TMEM123: variants seen among roughly 807,000 people sequenced by gnomAD.
TMEM123 encodes the protein transmembrane protein 123, also known as porimin.
In TMEM123, 16 loss-of-function variants were observed where a neutral mutation model predicts 19.7. The observed-to-expected ratio is 0.81, with a 90% confidence interval of 0.55 to 1.23. The LOEUF is 1.23. Ranked by LOEUF, TMEM123 falls within the 50% of genes most tolerant of loss-of-function variation. TMEM123 has a pLI of 0.00. For synonymous variants in TMEM123, 118 were observed against 99.4 expected (o/e 1.19, Z -1.12); for missense variants, 313 against 257.8 (o/e 1.21, Z -1.47).
intron 1 of TMEM123, chr11:102,451,332 CATG>C (rs2135869173): frequency 6.6e-6 from 1 of 151,990 alleles, no homozygotes; most frequent in African/African-American, 2.4e-5. Context: ...ACACGATGGA[CATG>C]ATTTTACCAC....
At chr11:102,400,182 GATTCCAATGGCCT>G in intron 4 of TMEM123, among the ~76,000 whole-genome samples, 1 of 152,346 alleles carries the variant, frequency 6.6e-6, no homozygotes, top group South Asian at 2.1e-4. Context: ...AAAACTGGAA[GATTCCAATGGCCT>G]ATTCCAACAT....
intron 1 of TMEM123, among the ~76,000 whole-genome samples, chr11:102,450,048 C>T (rs1442938372): frequency 1.3e-5 from 2 of 152,120 alleles, no homozygotes; most frequent in East Asian, 3.8e-4. Flanking sequence ...AAGAGGTCAT[C>T]CTTTGATTCT....
rs1283807270 is a variant in TMEM123 at position 102,452,683 on chromosome 11, A to G, written c.-60T>C. 5.3e-6 allele frequency: 7 copies of G among 1,322,382 alleles called. No homozygotes were observed. The African/African-American group carries it at 9.1e-5, about 17-fold the overall frequency. 81.9% of individuals were successfully genotyped at this position (1,322,382 alleles called of 1,614,324 possible). ...TCCCAGCCGAGGTGGCGGCGGCGAG[A>G]GCGGCTCCTCTGCGCAGCCGGCGCC... On this transcript the variant is annotated 5_prime_UTR_variant, in exon 1 of 5. Transcript: ENST00000398136.
At chr11:102,447,614 G>C (rs1007526426) in intron 2 of TMEM123, among the ~76,000 whole-genome samples, 2 of 152,122 alleles carry the variant, frequency 1.3e-5, no homozygotes, top group African/African-American at 4.8e-5. Flanking sequence ...TTCAATAAAG[G>C]ACAAAAGGAA....
chr11:102,424,329 A>C (rs1168508628), intron 2 of TMEM123, among the ~76,000 whole-genome samples: 1 of 152,228 alleles, frequency 6.6e-6, no homozygotes, highest in Non-Finnish European at 1.5e-5. Context: ...AAAGCAGTGA[A>C]TACTTTATCA....
chr11:102,420,252 A>G (rs776689886), intron 2 of TMEM123, among the ~76,000 whole-genome samples: 10 of 152,138 alleles, frequency 6.6e-5, no homozygotes, highest in Non-Finnish European at 8.8e-5. Context: ...GGAAAGCATC[A>G]TTGTTAATGT....
At position 102,397,883 on chromosome 11, in the gene TMEM123, G is replaced by GA. The variant is rs1240199753; in HGVS notation, c.*983dup. ...TCTATAGAATTCTAAATGTTCTTTT[G>GA]AAAATCATACAAGCGGTTCTTTTTC... On this transcript the variant is annotated 3_prime_UTR_variant, in exon 5 of 5. Transcript: ENST00000398136. 3 of 152,196 alleles carry GA rather than the reference G, an allele frequency of 2.0e-5. No homozygotes were observed. Among genetic ancestry groups the GA allele is most frequent in the Admixed American group, 2.0e-4 (3 of 15,290 alleles). 9.4% of individuals were successfully genotyped at this position (152,196 alleles called of 1,614,324 possible).
intron 2 of TMEM123, among the ~76,000 whole-genome samples, chr11:102,405,879 A>G (rs1419869881): frequency 6.6e-6 from 1 of 152,218 alleles, no homozygotes; most frequent in Non-Finnish European, 1.5e-5. Flanking sequence ...AAAACAGGCA[A>G]AAGGAAATTT....
chr11:102,410,042 A>G (rs1276527777), intron 2 of TMEM123, among the ~76,000 whole-genome samples: 1 of 152,254 alleles, frequency 6.6e-6, no homozygotes, highest in Non-Finnish European at 1.5e-5. Flanking sequence ...ACAATTGTAT[A>G]TGATCACAGA....
At chr11:102,425,562 G>GT (rs796386801) in intron 2 of TMEM123, among the ~76,000 whole-genome samples, 2,372 of 117,962 alleles carry the variant, frequency 0.02, 45 homozygotes, top group East Asian at 0.066. Context: ...CTCCAGGATT[G>GT]TTTTTTTTTT....
chr11:102,427,437 G>C (rs1315783857), intron 2 of TMEM123, among the ~76,000 whole-genome samples: 1 of 150,592 alleles, frequency 6.6e-6, no homozygotes, highest in South Asian at 2.1e-4. Flanking sequence ...AAATAGGGAG[G>C]GTATAAATTC....
chr11:102,452,442 A>ACCAGAGC, intron 1 of TMEM123, 82 bp downstream of exon 1: 1 of 1,214,110 alleles, frequency 8.2e-7, no homozygotes, highest in East Asian at 3.1e-5. Context: ...AACTTTCTGT[A>ACCAGAGC]CCAGAGCCCA....
intron 2 of TMEM123, among the ~76,000 whole-genome samples, chr11:102,417,211 T>A (rs1433377536): frequency 6.6e-6 from 1 of 152,074 alleles, no homozygotes; most frequent in Non-Finnish European, 1.5e-5. Context: ...AAAGTCAAAC[T>A]CTCTCTTTGC....
At chr11:102,408,153 T>TA (rs1951971719) in intron 2 of TMEM123, among the ~76,000 whole-genome samples, 1 of 152,124 alleles carries the variant, frequency 6.6e-6, no homozygotes, top group Admixed American at 6.6e-5. Context: ...TCAACTAACA[T>TA]AATTACAGGA....
At position 102,429,937 on chromosome 11, in the gene TMEM123, G is replaced by C. The variant is rs192107830; in HGVS notation, c.157+18875C>G. On this transcript the variant is annotated intron_variant, in intron 2 of 4. Coordinates refer to ENST00000398136, the MANE Select transcript of TMEM123 (RefSeq NM_052932.3). Reference sequence around the variant, plus strand: ...AACAACCCGAGCATCTCCAGAAGCAGCCTGTGCGATGGGAGCACCACACAG... The same window carrying C: ...AACAACCCGAGCATCTCCAGAAGCACCCTGTGCGATGGGAGCACCACACAG... Among the ~76,000 whole-genome samples the C allele has an allele frequency of 2.8e-3, 420 of 152,354 alleles. 3 individuals carry two copies. Among genetic ancestry groups the C allele is most frequent in the African/African-American group, 9.7e-3 (403 of 41,584 alleles).
intron 1 of TMEM123, among the ~76,000 whole-genome samples, chr11:102,450,821 T>C (rs1353418977): frequency 1.3e-5 from 2 of 152,250 alleles, no homozygotes; most frequent in African/African-American, 2.4e-5. Flanking sequence ...GCACAGAATA[T>C]GTACCCAGTA....
chr11:102,433,142 G>A (rs978345522), intron 2 of TMEM123, among the ~76,000 whole-genome samples: 8 of 152,064 alleles, frequency 5.3e-5, no homozygotes, highest in Non-Finnish European at 7.4e-5. Context: ...GCTGTGAGAA[G>A]AGGGCCACTG....
At chr11:102,446,952 C>G (rs1365754558) in intron 2 of TMEM123, among the ~76,000 whole-genome samples, 1 of 152,082 alleles carries the variant, frequency 6.6e-6, no homozygotes, top group Non-Finnish European at 1.5e-5. Context: ...TTCAAAGAAA[C>G]AAAGCTTCAA....
chr11:102,403,971 C>A (rs186893295), intron 2 of TMEM123, among the ~76,000 whole-genome samples: 9 of 152,312 alleles, frequency 5.9e-5, no homozygotes, highest in African/African-American at 2.2e-4. Context: ...CAGAACTTTC[C>A]CAGCCTGCAG....
Sources: gnomAD v4.1 joint callset for allele counts (sites outside exome capture counted in the v4.1 genomes callset) on GRCh38, gnomAD v4.1.1 for gene constraint, MANE v1.5 for transcripts, NCBI Gene and HGNC (gene_info 2026-07-23, HGNC 2026-07-21) for gene names.